The following EPB41L4B variants were observed in gnomAD, a reference collection of about 807,000 sequenced individuals.
EPB41L4B encodes erythrocyte membrane protein band 4.1 like 4B.
Under a neutral mutation model 112.5 loss-of-function variants are expected in EPB41L4B, and 30 were observed. The ratio of observed to expected loss-of-function variants is 0.27; its 90% CI spans 0.20 to 0.36. The LOEUF is 0.36. Among genes scored for constraint, EPB41L4B ranks in the 10% least tolerant of loss-of-function variants. EPB41L4B has a pLI of 1.00. For missense variants in EPB41L4B, 1,024 were observed against 1,133.3 expected (o/e 0.90, Z 1.38); for synonymous variants, 408 against 439.7 (o/e 0.93, Z 0.90).
At chr9:109,194,508 T>C (rs562873455) in intron 20 of EPB41L4B, 111 bp from the exon 21 acceptor site, 6 of 1,178,932 alleles carry the variant, frequency 5.1e-6, no homozygotes, top group East Asian at 4.8e-5. Flanking sequence ...GGATTGGGGG[T>C]TCCCAAACAG....
At chr9:109,289,139 C>A (rs868147532) in intron 1 of EPB41L4B, among the ~76,000 whole-genome samples, 2 of 152,140 alleles carry the variant, frequency 1.3e-5, no homozygotes, top group Admixed American at 6.5e-5. Flanking sequence ...GTGCAGGTTC[C>A]TCAGCCTGGT....
intron 1 of EPB41L4B, among the ~76,000 whole-genome samples, chr9:109,297,617 C>G (rs2119204283): frequency 6.6e-6 from 1 of 152,372 alleles, no homozygotes; most frequent in Middle Eastern, 3.4e-3. Context: ...ACCTCTGACT[C>G]TAAGCCCCAG....
At chr9:109,227,890 A>G (rs1271959254) in intron 15 of EPB41L4B, among the ~76,000 whole-genome samples, 2 of 152,000 alleles carry the variant, frequency 1.3e-5, no homozygotes, top group East Asian at 3.9e-4. Flanking sequence ...CCTATTGTCT[A>G]ATTTTTTAAT....
intron 15 of EPB41L4B, among the ~76,000 whole-genome samples, chr9:109,222,467 T>A (rs16914033): frequency 6.6e-6 from 1 of 152,154 alleles, no homozygotes; most frequent in Non-Finnish European, 1.5e-5. Context: ...CCGACTACAA[T>A]GTAAATGACA....
chr9:109,254,382 C>A (rs967776058), intron 11 of EPB41L4B, among the ~76,000 whole-genome samples: 6 of 151,858 alleles, frequency 4.0e-5, no homozygotes, highest in African/African-American at 1.5e-4. Context: ...GGTCTTCCCC[C>A]CACCCCGCCC....
chr9:109,282,474 TGAA>T (rs1836104055), intron 1 of EPB41L4B, among the ~76,000 whole-genome samples: 1 of 152,164 alleles, frequency 6.6e-6, no homozygotes, highest in South Asian at 2.1e-4. Context: ...AACAAATAAA[TGAA>T]GAAATAACAG....
chr9:109,226,784 A>AACAT (rs1564279331), intron 15 of EPB41L4B, among the ~76,000 whole-genome samples: 18 of 146,384 alleles, frequency 1.2e-4, no homozygotes, highest in South Asian at 6.3e-4. Context: ...ATATATGAAG[A>AACAT]ATATATATGA....
chr9:109,310,235 A>G (rs1837365543), intron 1 of EPB41L4B, among the ~76,000 whole-genome samples: 1 of 152,032 alleles, frequency 6.6e-6, no homozygotes, highest in Non-Finnish European at 1.5e-5. Context: ...GGAAAAATTC[A>G]TGTATATACA....
At chr9:109,203,433 G>A (rs1832898627) in intron 19 of EPB41L4B, among the ~76,000 whole-genome samples, 1 of 152,206 alleles carries the variant, frequency 6.6e-6, no homozygotes, top group African/African-American at 2.4e-5. Context: ...CCAAGTGATT[G>A]ATTTCTTTGT....
At chr9:109,291,123 A>C (rs1363379128) in intron 1 of EPB41L4B, among the ~76,000 whole-genome samples, 1 of 152,140 alleles carries the variant, frequency 6.6e-6, no homozygotes, top group Admixed American at 6.5e-5. Flanking sequence ...ACTGAGCCTC[A>C]GGGAAATTAC....
chr9:109,260,270 A>C (rs1475225667), intron 6 of EPB41L4B, among the ~76,000 whole-genome samples: 2 of 151,920 alleles, frequency 1.3e-5, no homozygotes, highest in African/African-American at 2.4e-5. Flanking sequence ...GGGTTTTGCC[A>C]TGTTGCCCAA....
At chr9:109,248,654 G>T (rs975794479) in intron 13 of EPB41L4B, among the ~76,000 whole-genome samples, 1 of 152,038 alleles carries the variant, frequency 6.6e-6, no homozygotes, top group African/African-American at 2.4e-5. Flanking sequence ...CATGTTGCCC[G>T]GGCTGGTCCT....
At chr9:109,210,904 A>T (rs2118801557) in intron 17 of EPB41L4B, among the ~76,000 whole-genome samples, 1 of 152,340 alleles carries the variant, frequency 6.6e-6, no homozygotes, top group Admixed American at 6.5e-5. Context: ...CAAAACATAG[A>T]CATGAATGAC....
intron 7 of EPB41L4B, 36 bp downstream of exon 7, chr9:109,258,141 G>C (rs1835053518): frequency 6.3e-7 from 1 of 1,590,336 alleles, no homozygotes; most frequent in East Asian, 2.3e-5. Flanking sequence ...TGACAAAATA[G>C]ATACATCAGA....
At chr9:109,219,016 G>C (rs1272114685) in intron 15 of EPB41L4B, among the ~76,000 whole-genome samples, 2 of 152,196 alleles carry the variant, frequency 1.3e-5, no homozygotes, top group Non-Finnish European at 2.9e-5. Flanking sequence ...CAGTTCTCCT[G>C]GGGGAAGGTG....
intron 15 of EPB41L4B, among the ~76,000 whole-genome samples, chr9:109,223,505 C>T (rs934821740): frequency 2.0e-5 from 3 of 151,908 alleles, no homozygotes; most frequent in African/African-American, 7.3e-5. Flanking sequence ...AGAATTGTGA[C>T]CAGTGCTGGG....
At chr9:109,192,243 T>A (rs1832485366) in intron 22 of EPB41L4B, 35 bp downstream of exon 22, 2 of 1,559,458 alleles carry the variant, frequency 1.3e-6, no homozygotes, top group East Asian at 4.5e-5. Context: ...CTATGGTCTG[T>A]GACTTTTCTG....
At chr9:109,236,281 G>GAA (rs1834138516) in intron 15 of EPB41L4B, among the ~76,000 whole-genome samples, 1 of 152,158 alleles carries the variant, frequency 6.6e-6, no homozygotes, top group Admixed American at 6.6e-5. Flanking sequence ...TGAAATTAAA[G>GAA]CCATATAAAG....
intron 1 of EPB41L4B, among the ~76,000 whole-genome samples, chr9:109,285,328 G>A (rs1836230950): frequency 6.6e-6 from 1 of 152,168 alleles, no homozygotes. Flanking sequence ...AGGGGCTCGA[G>A]GTGGAGGTTG....
Sources: allele counts gnomAD v4.1 joint callset (sites outside exome capture counted in the v4.1 genomes callset), GRCh38; gene constraint gnomAD v4.1.1; transcripts MANE v1.5; gene names NCBI Gene and HGNC (gene_info 2026-07-23, HGNC 2026-07-21).